Variants in DBNDD2 observed in about 807,000 individuals in gnomAD.
DBNDD2 encodes the protein dysbindin domain-containing protein 2.
DBNDD2 carries 8 observed loss-of-function variants against 14.0 expected under a neutral mutation model. That is an observed-to-expected ratio of 0.57 (90% CI 0.33 to 1.03). DBNDD2 has a LOEUF of 1.03. DBNDD2 is among the 50% of genes least tolerant of loss of function. DBNDD2 has a pLI of 0.03. For missense variants in DBNDD2, 194 were observed against 206.0 expected, an observed-to-expected ratio of 0.94 and a Z score of 0.36; for synonymous variants, 94 against 85.3, an observed-to-expected ratio of 1.10 and a Z score of -0.56.
intron 2 of DBNDD2, 36 bp downstream of exon 2, chr20:45,408,974 C>A (rs1383211517): frequency 6.2e-7 from 1 of 1,614,016 alleles, no homozygotes; most frequent in African/African-American, 1.3e-5. Context: ...CAGTGCCAGT[C>A]AGCCAGAGCC....
upstream of DBNDD2, chr20:45,406,680 C>T (rs1989417948): frequency 1.5e-6 from 2 of 1,335,192 alleles, no homozygotes; most frequent in Admixed American, 4.2e-5. Context: ...ACGCCCCCGC[C>T]GCGGCCTCGC....
chr20:45,407,905 T>G, upstream of DBNDD2: 1 of 1,281,084 alleles, frequency 7.8e-7, no homozygotes, highest in Non-Finnish European at 9.9e-7. Context: ...AGATGGCACA[T>G]GCGTGTGTAC....
rs748849184 is a variant in DBNDD2 at position 45,409,976 on chromosome 20, T to C, written c.322T>C (p.Ser108Pro). ...GGAGCTGAGCCTGCCGGTGCCTACATCAGACAGGACCACATCTAGGACCTC... is the reference window on the plus strand; with the variant it reads ...GGAGCTGAGCCTGCCGGTGCCTACACCAGACAGGACCACATCTAGGACCTC... Reference protein sequence around the residue: ...LEELSLPVPTSDRTTSRTSSS... With the variant: ...LEELSLPVPTPDRTTSRTSSS... Residue 108 changes from serine to proline, a missense_variant, in exon 3 of 3, where the codon TCA becomes CCA. Ser to Pro is a moderately conservative substitution (Grantham distance 74). Coordinates refer to ENST00000372710, the MANE Select transcript of DBNDD2 (RefSeq NM_001048225.4). 1.0e-4 allele frequency: 158 copies of C among 1,551,642 alleles called. No homozygotes were observed. The highest frequency in any genetic ancestry group is 1.3e-4 in the Non-Finnish European group (151 of 1,147,010).
intron 2 of DBNDD2, 57 bp downstream of exon 2, chr20:45,408,995 C>T: frequency 6.2e-7 from 1 of 1,614,036 alleles, no homozygotes; most frequent in Non-Finnish European, 8.5e-7. Context: ...GGATGTCAGG[C>T]TCTGAAACGA....
At chr20:45,408,246 T>G, upstream of DBNDD2, 1 of 1,551,386 alleles carries the variant, frequency 6.4e-7, no homozygotes, top group East Asian at 2.4e-5. Context: ...TTTGTGGAGC[T>G]TAGGGCAAGC....
upstream of DBNDD2, chr20:45,408,271 A>C: frequency 6.4e-7 from 1 of 1,554,352 alleles, no homozygotes; most frequent in Non-Finnish European, 8.7e-7. Flanking sequence ...CCTCTGCATG[A>C]GACTTGGTTT....
chr20:45,410,193 C>T lies in DBNDD2; in HGVS notation c.*53C>T. ...ACGCTGGCTATTCTCCACATGAGAC[C>T]ACAGGCCCAGCCAGAGCCTGTCGGG... On this transcript the variant is annotated 3_prime_UTR_variant, in exon 3 of 3. Transcript: ENST00000372710. 6.5e-7 allele frequency: 1 copy of T among 1,542,162 alleles called. No individual in the cohort carries two copies. The highest frequency in any genetic ancestry group is 8.8e-7 in the Non-Finnish European group (1 of 1,140,060).
At chr20:45,408,146 C>T (rs1406330669), upstream of DBNDD2, 3 of 1,538,504 alleles carry the variant, frequency 1.9e-6, no homozygotes, top group Non-Finnish European at 2.6e-6. Context: ...TCCAACCCCT[C>T]TCAGGAGGGC....
upstream of DBNDD2, chr20:45,406,870 T>C (rs1195792941): frequency 1.7e-6 from 2 of 1,148,188 alleles, no homozygotes; most frequent in Non-Finnish European, 2.2e-6. Context: ...GGGAATTTTT[T>C]CCCTCTTGCT....
chr20:45,410,472 C>A lies in DBNDD2; in HGVS notation c.*332C>A. ...CCATCCCGTAGTCTTCTAATACAGT[C>A]TCTCAGACAAGTGTCTCTAGATGGA... is the stretch of plus-strand genomic sequence containing the variant. On this transcript the variant is annotated 3_prime_UTR_variant, in exon 3 of 3. Coordinates refer to ENST00000372710, the MANE Select transcript of DBNDD2 (RefSeq NM_001048225.4). 3.1e-6 allele frequency: 1 copy of A among 319,864 alleles called. No homozygotes were observed. 19.8% of individuals were successfully genotyped at this position (319,864 alleles called of 1,614,324 possible).
At chr20:45,406,780 A>C, upstream of DBNDD2, 1 of 1,257,212 alleles carries the variant, frequency 8.0e-7, no homozygotes, top group Non-Finnish European at 1.0e-6. Flanking sequence ...TGGACCGCGG[A>C]GGGGACCGGA....
chr20:45,406,801 A>G, upstream of DBNDD2: 2 of 1,243,352 alleles, frequency 1.6e-6, no homozygotes, highest in Middle Eastern at 3.1e-4. Flanking sequence ...GCACGAGGGG[A>G]ACGGCCTTGG....
upstream of DBNDD2, chr20:45,408,060 T>C: frequency 6.8e-7 from 1 of 1,465,826 alleles, no homozygotes; most frequent in South Asian, 1.4e-5. Context: ...TATCCTATCC[T>C]GTCCCTGGCC....
chr20:45,407,891 G>C, upstream of DBNDD2: 2 of 1,235,018 alleles, frequency 1.6e-6, no homozygotes, highest in Non-Finnish European at 2.0e-6. Flanking sequence ...CAAGGGTTTG[G>C]GGTAGATGGC....
chr20:45,408,514 T>C lies in DBNDD2; in HGVS notation c.47T>C (p.Leu16Pro), dbSNP rs373093739. 1 of 1,614,146 alleles carries C rather than the reference T, an allele frequency of 6.2e-7. No homozygotes were observed. The highest frequency in any genetic ancestry group is 1.3e-5 in the African/African-American group (1 of 74,946). The part of the protein sequence containing the change: ...RAALERQQLR[L>P]RERQKFFEDI... ...GCCCTGGAGCGCCAGCAGCTCCGCC[T>C]TCGGGAGCGGCAAAAATTCTTCGAG... Residue 16 changes from leucine (L) to proline (P), a missense_variant, in exon 1 of 3, where the codon CTT becomes CCT. Leu to Pro is a moderately conservative substitution (Grantham distance 98). Coordinates refer to ENST00000372710, the MANE Select transcript of DBNDD2 (RefSeq NM_001048225.4).
intron 2 of DBNDD2, chr20:45,409,183 A>C (rs1989690146): frequency 1.7e-6 from 1 of 590,002 alleles, no homozygotes; most frequent in South Asian, 2.5e-5. Flanking sequence ...TACATTTGTT[A>C]TATTAATATA....
At chr20:45,409,042 G>C (rs775379282) in intron 2 of DBNDD2, 104 bp downstream of exon 2, 2 of 1,608,420 alleles carry the variant, frequency 1.2e-6, no homozygotes. Context: ...CACAAGTAAG[G>C]GCTGGAAGTG....
intron 2 of DBNDD2, 109 bp downstream of exon 2, chr20:45,409,047 G>A: frequency 6.2e-7 from 1 of 1,606,968 alleles, no homozygotes; most frequent in Non-Finnish European, 8.5e-7. Flanking sequence ...GTAAGGGCTG[G>A]AAGTGGGTGT....
chr20:45,409,886 C>A (rs184711810), intron 2 of DBNDD2, 46 bp from the exon 3 acceptor site: 11 of 1,538,444 alleles, frequency 7.2e-6, no homozygotes, highest in Non-Finnish European at 9.7e-6. Context: ...TTTAAGAGTT[C>A]TCTGAAGCCC....
Sources: allele counts gnomAD v4.1 joint callset, GRCh38; gene constraint gnomAD v4.1.1; transcripts MANE v1.5; gene names NCBI Gene and HGNC (gene_info 2026-07-23, HGNC 2026-07-21).